Variants in ABCB11 observed in about 807,000 individuals in gnomAD.
ABCB11 encodes the protein bile salt export pump.
ABCB11 carries 95 observed loss-of-function variants against 148.0 expected under a neutral mutation model. The observed-to-expected ratio is 0.64, with a 90% CI of 0.54 to 0.76. The LOEUF (loss-of-function observed/expected upper bound fraction) is 0.76. ABCB11 is among the 30% of genes least tolerant of loss of function. ABCB11 has a pLI of 0.00. For missense variants in ABCB11, 1,523 were observed against 1,617.8 expected (o/e 0.94, Z 1.01); for synonymous variants, 591 against 555.4 (o/e 1.06, Z -0.90).
At chr2:169,003,468 T>C (rs1392863975) in intron 5 of ABCB11, among the ~76,000 whole-genome samples, 1 of 151,412 alleles carries the variant, frequency 6.6e-6, no homozygotes, top group Non-Finnish European at 1.5e-5. Context: ...TATATTACAT[T>C]TTCCTTATCC....
intron 3 of ABCB11, among the ~76,000 whole-genome samples, chr2:169,014,815 C>T (rs910261734): frequency 6.6e-6 from 1 of 152,174 alleles, no homozygotes; most frequent in Non-Finnish European, 1.5e-5. Flanking sequence ...CATGCCCACA[C>T]TTTTCATAGA....
At chr2:169,000,679 A>G (rs1458087001) in intron 5 of ABCB11, among the ~76,000 whole-genome samples, 1 of 152,094 alleles carries the variant, frequency 6.6e-6, no homozygotes, top group Non-Finnish European at 1.5e-5. Flanking sequence ...TGCATTAGCT[A>G]TATAATATGT....
chr2:168,934,177 T>C (rs1481372875), intron 23 of ABCB11, among the ~76,000 whole-genome samples: 2 of 152,192 alleles, frequency 1.3e-5, no homozygotes, highest in African/African-American at 4.8e-5. Context: ...TGGTTTGTGT[T>C]TTCTAATTTA....
intron 11 of ABCB11, among the ~76,000 whole-genome samples, chr2:168,979,336 G>A (rs1355700926): frequency 6.6e-6 from 1 of 151,912 alleles, no homozygotes; most frequent in Admixed American, 6.6e-5. Context: ...CTTTTCTTCA[G>A]TTCTCCACTC....
intron 19 of ABCB11, among the ~76,000 whole-genome samples, chr2:168,946,072 A>T (rs1239943179): frequency 6.6e-6 from 1 of 151,906 alleles, no homozygotes; most frequent in African/African-American, 2.4e-5. Context: ...TACAATAAGA[A>T]AAATGAAAGA....
At chr2:168,932,819 A>G (rs1369845371) in intron 23 of ABCB11, among the ~76,000 whole-genome samples, 1 of 152,082 alleles carries the variant, frequency 6.6e-6, no homozygotes, top group Non-Finnish European at 1.5e-5. Context: ...TTCCTTTAAG[A>G]AAATTGTTGG....
intron 7 of ABCB11, 53 bp from the exon 8 acceptor site, chr2:168,993,935 T>C (rs955308842): frequency 9.1e-6 from 13 of 1,421,592 alleles, no homozygotes; most frequent in African/African-American, 2.9e-5. Context: ...CATTCAAATA[T>C]CTTGCTGAAA....
intron 1 of ABCB11, among the ~76,000 whole-genome samples, chr2:169,019,764 C>G (rs1246212380): frequency 6.6e-6 from 1 of 152,138 alleles, no homozygotes; most frequent in East Asian, 1.9e-4. Context: ...AACAGACTGA[C>G]AGAAGTTTTC....
At position 168,996,722 on chromosome 2, in the gene ABCB11, C is replaced by A. The variant is rs1485188076; in HGVS notation, c.390G>T (p.Gly130=). 3.2e-6 allele frequency: 5 copies of A among 1,541,878 alleles called. No individual in the cohort carries two copies. Among genetic ancestry groups the A allele is most frequent in the Admixed American group, 1.9e-5 (1 of 52,776 alleles). ...NQNMTNGTRC[G]LLNIESEMIK... is the part of the protein sequence containing the mutation. ...TCATTTCGCTCTCGATGTTCAGCAA[C>A]CTTCAAAAGAGGGAAAAGAATGTTC... is the stretch of plus-strand genomic sequence containing the variant. Residue 130 remains glycine, a splice_region_variant and synonymous_variant, in exon 6 of 28, where the codon GGG becomes GGT. Coordinates refer to ENST00000650372, the MANE Select transcript of ABCB11 (RefSeq NM_003742.4).
At chr2:168,996,878 ATGAG>A (rs1192269096) in intron 5 of ABCB11, among the ~76,000 whole-genome samples, 156 bp from the exon 6 acceptor site, 2 of 149,406 alleles carry the variant, frequency 1.3e-5, no homozygotes, top group African/African-American at 4.9e-5. Flanking sequence ...TCTATTAGAC[ATGAG>A]TAAGACATTT....
chr2:168,932,425 C>A lies in ABCB11; in HGVS notation c.3165G>T (p.Leu1055=), dbSNP rs778702455. The change falls in exon 24 of 28, where the codon CTG becomes CTT. Residue 1055 remains leucine (L), a synonymous_variant. Coordinates refer to ENST00000650372, the MANE Select transcript of ABCB11 (RefSeq NM_003742.4). ...KISAARFFQL[L]DRQPPISVYN... is the part of the protein sequence containing the mutation. Reference sequence around the variant, plus strand: ...ATACACTGATTGGGGGTTGTCGGTCCAGCAGTTGAAAAAAGCGTGCAGCTG... The same window carrying A: ...ATACACTGATTGGGGGTTGTCGGTCAAGCAGTTGAAAAAAGCGTGCAGCTG... The A allele has an allele frequency of 3.3e-5, 52 of 1,597,078 alleles. No homozygotes were observed. Among genetic ancestry groups the A allele is most frequent in the Non-Finnish European group, 4.4e-5 (52 of 1,171,456 alleles).
At chr2:169,029,084 A>G (rs1198797457) in intron 1 of ABCB11, among the ~76,000 whole-genome samples, 1 of 151,646 alleles carries the variant, frequency 6.6e-6, no homozygotes, top group Non-Finnish European at 1.5e-5. Flanking sequence ...CCCACATCAC[A>G]CTGTGAATAT....
intron 5 of ABCB11, among the ~76,000 whole-genome samples, chr2:169,001,029 T>C (rs1694854376): frequency 6.6e-6 from 1 of 152,196 alleles, no homozygotes; most frequent in Non-Finnish European, 1.5e-5. Context: ...ACATTATAGA[T>C]ACATCACTTT....
chr2:168,997,546 G>C (rs1694754016), intron 5 of ABCB11, among the ~76,000 whole-genome samples: 1 of 152,056 alleles, frequency 6.6e-6, no homozygotes, highest in African/African-American at 2.4e-5. Context: ...TCCATAATTA[G>C]AAAATTAACA....
At position 168,951,740 on chromosome 2, in the gene ABCB11, T is replaced by A. The variant is rs1411014116; in HGVS notation, c.2343+6224A>T. On this transcript the variant is annotated intron_variant, in intron 19 of 27. Transcript: ENST00000650372. ...TTTTCTAATTTGCATGCCTTTTATT[T>A]TTTTTCTCTTGCCTGATTGCTCTGG... Among the ~76,000 whole-genome samples, 4 of 151,668 alleles carry A rather than the reference T, an allele frequency of 2.6e-5. No homozygotes were observed. In the East Asian group the frequency reaches 7.8e-4, roughly 29 times the overall value.
chr2:169,007,950 C>T (rs1484562607), intron 5 of ABCB11, among the ~76,000 whole-genome samples: 1 of 151,984 alleles, frequency 6.6e-6, no homozygotes, highest in African/African-American at 2.4e-5. Context: ...GACATATATC[C>T]CAGTTTTAAA....
chr2:168,981,948 A>G (rs1193917078), intron 10 of ABCB11, among the ~76,000 whole-genome samples: 1 of 152,166 alleles, frequency 6.6e-6, no homozygotes, highest in Non-Finnish European at 1.5e-5. Flanking sequence ...CTGGAGGCCT[A>G]AATTGAAGTT....
At chr2:169,015,607 C>T (rs528937697) in intron 3 of ABCB11, among the ~76,000 whole-genome samples, 1 of 152,188 alleles carries the variant, frequency 6.6e-6, no homozygotes, top group East Asian at 1.9e-4. Context: ...TCCGCTAGAC[C>T]TTCCTTTGAA....
At chr2:169,024,763 T>C (rs1695643267) in intron 1 of ABCB11, among the ~76,000 whole-genome samples, 1 of 152,198 alleles carries the variant, frequency 6.6e-6, no homozygotes, top group African/African-American at 2.4e-5. Flanking sequence ...TTTCTCATAC[T>C]TTCCTTGTTT....
Sources: allele counts gnomAD v4.1 joint callset (sites outside exome capture counted in the v4.1 genomes callset), GRCh38; gene constraint gnomAD v4.1.1; transcripts MANE v1.5; gene names NCBI Gene and HGNC (gene_info 2026-07-23, HGNC 2026-07-21).